The following PRMT8 variants were observed in gnomAD, a reference collection of about 807,000 sequenced individuals.
PRMT8 encodes protein arginine methyltransferase 8.
In PRMT8, 7 loss-of-function variants were observed where a neutral mutation model predicts 47.1. That is an observed-to-expected ratio of 0.15 (90% CI 0.08 to 0.28). The LOEUF is 0.28. PRMT8 is among the 10% of genes least tolerant of loss of function. The probability of loss-of-function intolerance (pLI) is 1.00; values close to 1 mark genes in which losing one functional copy is unlikely to be tolerated. For synonymous variants in PRMT8, 188 were observed against 186.5 expected (o/e 1.01, Z -0.07); for missense variants, 237 against 505.4 (o/e 0.47, Z 5.09).
At chr12:3,391,795 CAAAT>C (rs1299026419) in intron 1 of PRMT8, among the ~76,000 whole-genome samples, 2 of 152,124 alleles carry the variant, frequency 1.3e-5, no homozygotes, top group Non-Finnish European at 2.9e-5. Context: ...ACATGGCCAT[CAAAT>C]GAATGAGCAC....
At chr12:3,579,834 C>T (rs1428840779) in intron 7 of PRMT8, among the ~76,000 whole-genome samples, 5 of 152,166 alleles carry the variant, frequency 3.3e-5, no homozygotes, top group Admixed American at 1.3e-4. Flanking sequence ...GTGGGGATCG[C>T]AGCGGCCAGG....
intron 1 of PRMT8, among the ~76,000 whole-genome samples, chr12:3,476,436 C>T (rs2137098572): frequency 6.6e-6 from 1 of 152,106 alleles, no homozygotes; most frequent in Admixed American, 6.5e-5. Context: ...TTGGCAGGTA[C>T]ATAAACAGTG....
chr12:3,390,116 G>A (rs556342253), intron 1 of PRMT8, among the ~76,000 whole-genome samples: 2 of 152,354 alleles, frequency 1.3e-5, no homozygotes, highest in East Asian at 1.9e-4. Context: ...AATCCAGGAC[G>A]CAATTGCCCT....
chr12:3,512,023 C>G (rs1333395065), intron 1 of PRMT8, among the ~76,000 whole-genome samples: 1 of 152,096 alleles, frequency 6.6e-6, no homozygotes, highest in African/African-American at 2.4e-5. Flanking sequence ...GTGTGGGGGG[C>G]AGTGGGAAGT....
rs191059547 is a variant in PRMT8 at position 3,406,226 on chromosome 12, G to T, written c.48+24784G>T. 4.6e-4 allele frequency among the ~76,000 whole-genome samples: 70 copies of T among 152,354 alleles called. No homozygotes were observed. In the Middle Eastern group the frequency reaches 0.02, roughly 44 times the overall value. ...GAGCAGCTGGGATTCAGGGGACAAG[G>T]TTCTGGGGCTACACACAGCAGGGGG... is the stretch of plus-strand genomic sequence containing the variant. On this transcript the variant is annotated intron_variant, in intron 1 of 9. Transcript: ENST00000452611.
chr12:3,434,253 G>A (rs191647761), intron 1 of PRMT8, among the ~76,000 whole-genome samples: 1 of 152,278 alleles, frequency 6.6e-6, no homozygotes, highest in Admixed American at 6.5e-5. Context: ...AAGCTGAGGT[G>A]CTCCAGAGAA....
intron 1 of PRMT8, among the ~76,000 whole-genome samples, chr12:3,447,176 T>C (rs762380976): frequency 5.9e-5 from 9 of 152,184 alleles, no homozygotes; most frequent in Non-Finnish European, 1.0e-4. Flanking sequence ...AGCATTTCCC[T>C]TTTTATCGAG....
intron 1 of PRMT8, among the ~76,000 whole-genome samples, chr12:3,444,726 C>A (rs1864838678): frequency 6.6e-6 from 1 of 152,240 alleles, no homozygotes; most frequent in African/African-American, 2.4e-5. Context: ...GCAAGAGAGT[C>A]AAACAAGGAG....
chr12:3,457,694 A>C (rs546842623), intron 1 of PRMT8, among the ~76,000 whole-genome samples: 11 of 152,134 alleles, frequency 7.2e-5, no homozygotes, highest in Non-Finnish European at 1.5e-4. Flanking sequence ...GTTTCGAACC[A>C]CACATAGTTG....
chr12:3,390,257 A>G (rs950969363), intron 1 of PRMT8, among the ~76,000 whole-genome samples: 3 of 152,246 alleles, frequency 2.0e-5, no homozygotes, highest in Non-Finnish European at 4.4e-5. Context: ...CAAGGGAATA[A>G]TCACATCACA....
At chr12:3,397,865 T>G (rs1864273232) in intron 1 of PRMT8, among the ~76,000 whole-genome samples, 1 of 152,164 alleles carries the variant, frequency 6.6e-6, no homozygotes. Context: ...TCAGCGAGAC[T>G]CCATGGGCGT....
chr12:3,392,233 T>A (rs1864200311), intron 1 of PRMT8, among the ~76,000 whole-genome samples: 1 of 152,064 alleles, frequency 6.6e-6, no homozygotes, highest in South Asian at 2.1e-4. Flanking sequence ...TATTATACTT[T>A]AAGTTTTAGG....
chr12:3,554,382 T>G (rs1477081321), intron 4 of PRMT8, among the ~76,000 whole-genome samples: 1 of 152,182 alleles, frequency 6.6e-6, no homozygotes. Flanking sequence ...CAGGATTAGA[T>G]GCAGTCCCGA....
At chr12:3,487,960 T>C (rs1865337495), upstream of PRMT8, among the ~76,000 whole-genome samples, 1 of 152,194 alleles carries the variant, frequency 6.6e-6, no homozygotes. Context: ...AGCACTGGTA[T>C]TTTTAAAGCT....
intron 1 of PRMT8, among the ~76,000 whole-genome samples, chr12:3,448,616 A>G (rs907691144): frequency 1.6e-4 from 24 of 152,328 alleles, no homozygotes; most frequent in African/African-American, 5.8e-4. Context: ...AGATGATAGT[A>G]TCCCACTTTG....
At position 3,583,467 on chromosome 12, in the gene PRMT8, T is replaced by C. The variant is rs1348613980; in HGVS notation, c.979+259T>C. Reference sequence around the variant, plus strand: ...AGGGAGAGGCAGGAGGTAGGGCTCATGGAGGGGCCCCAAGCCCTTTCAAAG... The same window carrying C: ...AGGGAGAGGCAGGAGGTAGGGCTCACGGAGGGGCCCCAAGCCCTTTCAAAG... On this transcript the variant is annotated intron_variant, in intron 8 of 9. Coordinates refer to ENST00000382622, the MANE Select transcript of PRMT8 (RefSeq NM_019854.5). The surrounding 1 kb of genome is among the most constrained non-coding windows in gnomAD (Gnocchi z 4.7). Among the ~76,000 whole-genome samples, 1 of 152,204 alleles carries C rather than the reference T, an allele frequency of 6.6e-6. No individual in the cohort carries two copies. Among genetic ancestry groups the C allele is most frequent in the Non-Finnish European group, 1.5e-5 (1 of 68,022 alleles).
intron 1 of PRMT8, among the ~76,000 whole-genome samples, chr12:3,484,235 C>A (rs1865301062): frequency 1.3e-5 from 2 of 152,144 alleles, no homozygotes; most frequent in South Asian, 4.1e-4. Context: ...TCTGACCAGT[C>A]TTTGCTGTCA....
chr12:3,541,940 C>A (rs1021615933), intron 2 of PRMT8, among the ~76,000 whole-genome samples: 1 of 152,044 alleles, frequency 6.6e-6, no homozygotes, highest in Non-Finnish European at 1.5e-5. Flanking sequence ...TTTTTGTGTG[C>A]GTGTGTGCGT....
intron 7 of PRMT8, among the ~76,000 whole-genome samples, chr12:3,579,822 C>T (rs564726673): frequency 2.0e-5 from 3 of 152,234 alleles, no homozygotes; most frequent in South Asian, 2.1e-4. Context: ...CATTGTTTAA[C>T]GGTGGGGATC....
Sources: allele counts gnomAD v4.1 joint callset (sites outside exome capture counted in the v4.1 genomes callset), GRCh38; gene constraint gnomAD v4.1.1; non-coding constraint Gnocchi (gnomAD v3.1); transcripts MANE v1.5; gene names NCBI Gene and HGNC (gene_info 2026-07-23, HGNC 2026-07-21).